Variants in ERICH6B observed in about 807,000 individuals in gnomAD.
ERICH6B encodes the protein glutamate-rich protein 6B.
In ERICH6B, 69 loss-of-function variants were observed where a neutral mutation model predicts 80.0. That is an observed-to-expected ratio of 0.86 (90% CI 0.71 to 1.05). The LOEUF (loss-of-function observed/expected upper bound fraction) is 1.05. Among genes scored for constraint, ERICH6B ranks in the 50% least tolerant of loss-of-function variants. The probability of loss-of-function intolerance (pLI) is 0.00; values close to 1 mark genes in which losing one functional copy is unlikely to be tolerated. For missense variants in ERICH6B, 754 were observed against 796.1 expected (o/e 0.95, Z 0.64); for synonymous variants, 283 against 291.9 (o/e 0.97, Z 0.31).
intron 5 of ERICH6B, among the ~76,000 whole-genome samples, chr13:45,583,118 C>A (rs1324958000): frequency 1.3e-5 from 2 of 152,218 alleles, no homozygotes; most frequent in African/African-American, 4.8e-5. Context: ...ATCTTTAGTT[C>A]CTGCTATTTC....
intron 4 of ERICH6B, among the ~76,000 whole-genome samples, chr13:45,587,870 T>G (rs1383217552): frequency 6.6e-6 from 1 of 152,192 alleles, no homozygotes; most frequent in Non-Finnish European, 1.5e-5. Flanking sequence ...AGAGGGGTCC[T>G]TGGGGTGTCT....
chr13:45,562,631 G>A (rs2404220), intron 10 of ERICH6B, among the ~76,000 whole-genome samples: 1 of 151,978 alleles, frequency 6.6e-6, no homozygotes, highest in Non-Finnish European at 1.5e-5. Context: ...TGCATCCCAT[G>A]ATTGAGGTCA....
At chr13:45,614,744 G>A (rs1949918321) in intron 1 of ERICH6B, among the ~76,000 whole-genome samples, 1 of 152,368 alleles carries the variant, frequency 6.6e-6, no homozygotes, top group Middle Eastern at 3.4e-3. Flanking sequence ...AACGTAATGT[G>A]TTCTTGTTGC....
intron 3 of ERICH6B, among the ~76,000 whole-genome samples, chr13:45,591,118 A>T (rs1363688197): frequency 6.6e-6 from 1 of 152,256 alleles, no homozygotes; most frequent in Non-Finnish European, 1.5e-5. Context: ...TATGGCATAA[A>T]GAATTTCTTG....
At chr13:45,545,204 C>A (rs368750695) in intron 13 of ERICH6B, among the ~76,000 whole-genome samples, 2 of 152,214 alleles carry the variant, frequency 1.3e-5, no homozygotes, top group Non-Finnish European at 2.9e-5. Flanking sequence ...CTTCCCTCTC[C>A]TTAGTTCCTG....
chr13:45,563,095 T>C (rs1295440419), intron 10 of ERICH6B, among the ~76,000 whole-genome samples: 1 of 152,210 alleles, frequency 6.6e-6, no homozygotes, highest in Non-Finnish European at 1.5e-5. Context: ...ATTAGATCCA[T>C]GAAGCTGGTA....
In ERICH6B at chr13:45,606,503, GTGTATATATA is replaced by G. The variant is rs1949861385; in HGVS notation, c.-59+1051_-59+1060del. Among the ~76,000 whole-genome samples, 188 of 32,738 alleles carry G rather than the reference GTGTATATATA, an allele frequency of 5.7e-3. 4 individuals are homozygous for G. The highest frequency in any genetic ancestry group is 0.032 in the East Asian group (27 of 848). The allele number at this position is 32,738 out of a possible 152,430, so 21.5% of individuals were successfully genotyped here. On this transcript the variant is annotated intron_variant, in intron 2 of 14. Transcript: ENST00000298738. ...CTTGGCTGAGATCCCAAAAGTGTATGTGTATATATATATATATATATATATATATATATAT... is the reference window on the plus strand; with the variant it reads ...CTTGGCTGAGATCCCAAAAGTGTATGTATATATATATATATATATATATAT...
At chr13:45,567,765 A>T (rs1874979101) in intron 9 of ERICH6B, among the ~76,000 whole-genome samples, 1 of 152,230 alleles carries the variant, frequency 6.6e-6, no homozygotes, top group Admixed American at 6.5e-5. Context: ...AGCTAGAAAG[A>T]CCTGATGCCA....
At chr13:45,587,358 G>A (rs568213278) in intron 4 of ERICH6B, 126 bp from the exon 5 acceptor site, 3 of 768,902 alleles carry the variant, frequency 3.9e-6, no homozygotes, top group African/African-American at 1.8e-5. Context: ...ACATCTCAAG[G>A]TTTGAAGAGA....
chr13:45,568,314 C>T lies in ERICH6B; in HGVS notation c.1187+1G>A, dbSNP rs1263252687. The T allele has an allele frequency of 6.5e-7, 1 of 1,540,074 alleles. No homozygotes were observed. Among genetic ancestry groups the T allele is most frequent in the Admixed American group, 2.0e-5 (1 of 49,012 alleles). On this transcript the variant is annotated splice_donor_variant, in intron 9 of 14. Coordinates refer to ENST00000298738, the MANE Select transcript of ERICH6B (RefSeq NM_182542.3). LOFTEE classifies it high-confidence loss of function. ...ATCACTTGGCCTCACCAGTTACTTA[C>T]ATAATTACCAGTTTCCATCTGTTTT...
chr13:45,576,179 C>T (rs1056524448), intron 7 of ERICH6B, among the ~76,000 whole-genome samples: 1 of 152,208 alleles, frequency 6.6e-6, no homozygotes, highest in Non-Finnish European at 1.5e-5. Context: ...GAGAATTTTA[C>T]TGGGCTGGGG....
At position 45,596,975 on chromosome 13, in the gene ERICH6B, C is replaced by A. The variant is rs759343288; in HGVS notation, c.31G>T (p.Ala11Ser). The part of the protein sequence containing the change: MSAENNQLSG[A>S]SPPHPPTTPQ... ...GTTGTGGGAGGGTGAGGAGGTGATGCTCCTGATAACTGATTATTTTCAGCA... is the reference window on the plus strand; with the variant it reads ...GTTGTGGGAGGGTGAGGAGGTGATGATCCTGATAACTGATTATTTTCAGCA... The change falls in exon 3 of 15, where the codon GCA (alanine) becomes TCA (serine). Residue 11 changes from alanine (A) to serine (S), a missense_variant. Ala to Ser is a moderately conservative substitution (Grantham distance 99, BLOSUM62 1). Transcript: ENST00000298738. 2.1e-5 allele frequency: 32 copies of A among 1,547,686 alleles called. No individual in the cohort carries two copies. The highest frequency in any genetic ancestry group is 2.6e-5 in the Non-Finnish European group (30 of 1,144,336).
At chr13:45,570,614 A>G (rs181956030) in intron 8 of ERICH6B, among the ~76,000 whole-genome samples, 264 of 152,360 alleles carry the variant, frequency 1.7e-3, no homozygotes, top group Middle Eastern at 3.4e-3. Context: ...AAGTTTACTT[A>G]AACAAGTCTT....
chr13:45,600,096 A>G (rs17066957), intron 2 of ERICH6B, among the ~76,000 whole-genome samples: 6,141 of 152,288 alleles, frequency 0.04, 132 homozygotes, highest in Admixed American at 0.047. Context: ...ACCCAACCAC[A>G]GCTATGTCTG....
At chr13:45,545,893 C>T (rs986321362) in intron 13 of ERICH6B, among the ~76,000 whole-genome samples, 3 of 152,184 alleles carry the variant, frequency 2.0e-5, no homozygotes, top group Admixed American at 6.5e-5. Context: ...CCTGGCTCCA[C>T]GTGAGTTACA....
At chr13:45,588,912 G>A (rs993105506) in intron 4 of ERICH6B, among the ~76,000 whole-genome samples, 5 of 152,104 alleles carry the variant, frequency 3.3e-5, no homozygotes, top group South Asian at 2.1e-4. Context: ...TGGACCACTC[G>A]AGGCCTGCTT....
At chr13:45,609,380 C>A (rs1487918109) in intron 1 of ERICH6B, among the ~76,000 whole-genome samples, 1 of 152,188 alleles carries the variant, frequency 6.6e-6, no homozygotes, top group African/African-American at 2.4e-5. Context: ...CAACACCTGG[C>A]TCATTCTCAA....
chr13:45,558,235 C>T (rs932121143), intron 11 of ERICH6B, among the ~76,000 whole-genome samples: 1 of 152,136 alleles, frequency 6.6e-6, no homozygotes, highest in African/African-American at 2.4e-5. Context: ...TGATTCTCAG[C>T]TTGGTCACTG....
intron 5 of ERICH6B, 22 bp downstream of exon 5, chr13:45,587,041 G>C (rs776996374): frequency 5.2e-6 from 8 of 1,546,872 alleles, no homozygotes; most frequent in Middle Eastern, 3.4e-4. Context: ...GCGCCTCACC[G>C]ACAGAGCGCA....
Sources: gnomAD v4.1 joint callset for allele counts (sites outside exome capture counted in the v4.1 genomes callset) on GRCh38, gnomAD v4.1.1 for gene constraint, MANE v1.5 for transcripts, NCBI Gene and HGNC (gene_info 2026-07-23, HGNC 2026-07-21) for gene names.